INPP4B: variants seen among roughly 807,000 people sequenced by gnomAD.
INPP4B encodes the protein inositol polyphosphate-4-phosphatase type II B.
In INPP4B, 55 loss-of-function variants were observed where a neutral mutation model predicts 122.5. That is an observed-to-expected ratio of 0.45 (90% CI 0.36 to 0.56). The LOEUF is 0.56. INPP4B is among the 20% of genes least tolerant of loss of function. The pLI is 0.00. For missense variants in INPP4B, 1,000 were observed against 1,097.7 expected (o/e 0.91, Z 1.26); for synonymous variants, 403 against 388.7 (o/e 1.04, Z -0.43).
intron 20 of INPP4B, among the ~76,000 whole-genome samples, chr4:142,122,995 G>T (rs1026420070): frequency 6.6e-6 from 1 of 151,864 alleles, no homozygotes; most frequent in South Asian, 2.1e-4. Flanking sequence ...GACATTACAG[G>T]GTTGAGACTT....
intron 2 of INPP4B, among the ~76,000 whole-genome samples, chr4:142,717,914 A>G (rs1360440424): frequency 1.3e-5 from 2 of 151,934 alleles, no homozygotes. Context: ...AAGCAAAAAA[A>G]AAAAAAAAAA....
chr4:142,480,427 G>T (rs1820367470), intron 2 of INPP4B, among the ~76,000 whole-genome samples: 1 of 152,112 alleles, frequency 6.6e-6, no homozygotes, highest in South Asian at 2.1e-4. Flanking sequence ...CTCAATATGG[G>T]CATCCAGCCA....
At chr4:142,121,052 C>T (rs1464814946) in intron 21 of INPP4B, among the ~76,000 whole-genome samples, 1 of 152,030 alleles carries the variant, frequency 6.6e-6, no homozygotes, top group Non-Finnish European at 1.5e-5. Context: ...TGGTAAGCTT[C>T]CCTTAAACAT....
intron 2 of INPP4B, among the ~76,000 whole-genome samples, chr4:142,634,484 A>G (rs1748667339): frequency 1.3e-5 from 2 of 152,188 alleles, no homozygotes; most frequent in African/African-American, 4.8e-5. Flanking sequence ...AGAAATTATA[A>G]TACAACACAA....
chr4:142,091,592 A>G (rs1028594680), intron 23 of INPP4B, among the ~76,000 whole-genome samples: 1 of 152,204 alleles, frequency 6.6e-6, no homozygotes, highest in Non-Finnish European at 1.5e-5. Context: ...ACGTGCAGTC[A>G]CACACCCCAG....
At chr4:142,325,057 C>A (rs1336454979) in intron 7 of INPP4B, among the ~76,000 whole-genome samples, 1 of 152,174 alleles carries the variant, frequency 6.6e-6, no homozygotes, top group Admixed American at 6.5e-5. Context: ...GAAAGGTTCT[C>A]CTTGCTCTGG....
chr4:142,642,732 G>C (rs2150490356), intron 2 of INPP4B, among the ~76,000 whole-genome samples: 1 of 152,280 alleles, frequency 6.6e-6, no homozygotes, highest in Non-Finnish European at 1.5e-5. Context: ...TTTGGCTTAG[G>C]ATTGACTTGG....
chr4:142,565,493 T>C (rs138177569), intron 2 of INPP4B, among the ~76,000 whole-genome samples: 3 of 152,340 alleles, frequency 2.0e-5, no homozygotes, highest in Non-Finnish European at 2.9e-5. Context: ...AATGAATGAA[T>C]AAGTAAAGGA....
At chr4:142,193,043 G>T in intron 15 of INPP4B, 44 bp downstream of exon 15, 1 of 1,152,424 alleles carries the variant, frequency 8.7e-7, no homozygotes, top group Non-Finnish European at 1.3e-6. Flanking sequence ...CCAAAGGGGA[G>T]ATGTTATTAA....
intron 3 of INPP4B, among the ~76,000 whole-genome samples, chr4:142,449,461 T>C (rs1813660927): frequency 6.6e-6 from 1 of 152,160 alleles, no homozygotes; most frequent in Admixed American, 6.5e-5. Flanking sequence ...CCCAGCACTT[T>C]GGGAGGTTGA....
intron 2 of INPP4B, among the ~76,000 whole-genome samples, chr4:142,532,606 C>G (rs978062364): frequency 3.0e-4 from 45 of 152,052 alleles, no homozygotes; most frequent in Admixed American, 1.3e-4. Flanking sequence ...GAGAAGGAAC[C>G]ACAATAGCCC....
chr4:142,423,718 T>C (rs1249854838), intron 5 of INPP4B: 1 of 411,818 alleles, frequency 2.4e-6, no homozygotes, highest in Non-Finnish European at 4.7e-6. Flanking sequence ...TATACTGAAT[T>C]GCATATCCAC....
intron 2 of INPP4B, among the ~76,000 whole-genome samples, chr4:142,543,790 A>G (rs1242085749): frequency 1.3e-5 from 2 of 152,160 alleles, no homozygotes; most frequent in Admixed American, 1.3e-4. Context: ...AAATATTTTA[A>G]AACTGTATTA....
intron 5 of INPP4B, among the ~76,000 whole-genome samples, chr4:142,406,637 T>G (rs1803434932): frequency 1.3e-5 from 2 of 152,226 alleles, no homozygotes; most frequent in Non-Finnish European, 2.9e-5. Flanking sequence ...GACTTTCAGA[T>G]CCTGCTGCTT....
At position 142,251,039 on chromosome 4, in the gene INPP4B, C is replaced by T. The variant is rs187292293; in HGVS notation, c.688+9453G>A. Among the ~76,000 whole-genome samples the T allele has an allele frequency of 1.8e-4, 27 of 152,202 alleles. No individual in the cohort carries two copies. In the East Asian group the frequency reaches 4.2e-3, roughly 24 times the overall value. On this transcript the variant is annotated intron_variant, in intron 11 of 25. Transcript: ENST00000262992. ...ATTAGTATGGCTTCCAACACTTATG[C>T]CTTACAGAGTTTATGGCACAACTAT... is the stretch of plus-strand genomic sequence containing the variant.
chr4:142,503,222 A>G (rs1823611574), intron 2 of INPP4B, among the ~76,000 whole-genome samples: 2 of 152,170 alleles, frequency 1.3e-5, no homozygotes, highest in Non-Finnish European at 2.9e-5. Context: ...GGGAAGATGA[A>G]TCAATCAAAT....
At chr4:142,429,301 G>T (rs1808790768) in intron 4 of INPP4B, 84 bp from the exon 5 acceptor site, 2 of 705,470 alleles carry the variant, frequency 2.8e-6, no homozygotes, top group South Asian at 3.8e-5. Context: ...GCTTCATTGT[G>T]ACCAGAATGA....
chr4:142,389,531 A>C (rs924786288), intron 7 of INPP4B, among the ~76,000 whole-genome samples: 2 of 152,202 alleles, frequency 1.3e-5, no homozygotes, highest in African/African-American at 4.8e-5. Context: ...AATTAAGCAG[A>C]TCAGATATTA....
intron 2 of INPP4B, among the ~76,000 whole-genome samples, chr4:142,537,423 TATATATAGAGAGAG>T (rs1205634374): frequency 2.7e-3 from 130 of 47,996 alleles, no homozygotes; most frequent in Middle Eastern, 0.011. Context: ...TATATATATA[TATATATAGAGAGAG>T]AGAGAGAGAG....
Sources: allele counts gnomAD v4.1 joint callset (sites outside exome capture counted in the v4.1 genomes callset), GRCh38; gene constraint gnomAD v4.1.1; transcripts MANE v1.5; gene names NCBI Gene and HGNC (gene_info 2026-07-23, HGNC 2026-07-21).